Variants in TRPV3 observed in about 807,000 individuals in gnomAD.
The protein encoded by TRPV3 is VRL-3.
In TRPV3, 88 loss-of-function variants were observed where a neutral mutation model predicts 87.1. That is an observed-to-expected ratio of 1.01 (90% CI 0.85 to 1.21). The LOEUF (loss-of-function observed/expected upper bound fraction) is 1.21, where lower values mean the gene tolerates loss of function less well. Among genes scored for constraint, TRPV3 ranks in the 50% most tolerant of loss-of-function variants. TRPV3 has a pLI of 0.00. For synonymous variants in TRPV3, 438 were observed against 423.3 expected (o/e 1.03, Z -0.43); for missense variants, 1,054 against 1,030.1 (o/e 1.02, Z -0.32).
chr17:3,517,864 G>C (rs1369807715), intron 15 of TRPV3, among the ~76,000 whole-genome samples: 1 of 148,390 alleles, frequency 6.7e-6, no homozygotes, highest in Admixed American at 6.8e-5. Context: ...TGTCACCCAG[G>C]CTGCAGTGCC....
At position 3,552,057 on chromosome 17, in the gene TRPV3, A is replaced by AT. The variant is rs537778250; in HGVS notation, c.119+2674dup. ...ACCACAGCATCCAGCTAATTTTTGTATTTTTTTTTAGTAGAAATGGGGTTT... is the reference window on the plus strand; with the variant it reads ...ACCACAGCATCCAGCTAATTTTTGTATTTTTTTTTTAGTAGAAATGGGGTTT... On this transcript the variant is annotated intron_variant, in intron 2 of 17. Transcript: ENST00000576742. Among the ~76,000 whole-genome samples the AT allele has an allele frequency of 5.7e-3, 832 of 145,296 alleles. 7 individuals are homozygous for AT. The highest frequency in any genetic ancestry group is 0.019 in the African/African-American group (767 of 39,522).
rs376957340 is a variant in TRPV3, at chr17:3,528,803, G to A, written c.1401+34C>T. On this transcript the variant is annotated intron_variant, in intron 10 of 17. Transcript: ENST00000576742. This position sits in a 1 kb window ranked among gnomAD's most constrained non-coding sequence, Gnocchi z 4.2. ...AGCTCCAAGCCCCTCCAGCTCTGAC[G>A]GCCCCATTTTCCCCCTCCAAGGGGC... 344 of 1,612,508 alleles carry A rather than the reference G, an allele frequency of 2.1e-4. No individual in the cohort carries two copies. Among genetic ancestry groups the A allele is most frequent in the Admixed American group, 5.5e-4 (33 of 59,928 alleles).
In TRPV3 at chr17:3,514,638, G is replaced by A; in HGVS notation, c.2233C>T (p.His745Tyr). 1 of 1,614,050 alleles carries A rather than the reference G, an allele frequency of 6.2e-7. No homozygotes were observed. The highest frequency in any genetic ancestry group is 8.5e-7 in the Non-Finnish European group (1 of 1,179,916). ...GGGTCTTCGTTAAGGAAGGAGACGT[G>A]CGTCTTCCATTCAGTCCACTTCACC... is the stretch of plus-strand genomic sequence containing the variant. ...NEVKWTEWKT[H>Y]VSFLNEDPGP... Residue 745 changes from histidine (H) to tyrosine (Y), a missense_variant, in exon 17 of 18, where the codon CAC becomes TAC. Physicochemically the swap from His to Tyr is moderately conservative, Grantham distance 83. Transcript: ENST00000576742.
At chr17:3,547,664 G>C (rs929993833) in intron 2 of TRPV3, among the ~76,000 whole-genome samples, 8 of 152,072 alleles carry the variant, frequency 5.3e-5, no homozygotes, top group African/African-American at 1.9e-4. Context: ...TGAGGGGTCA[G>C]AGGACAGGGC....
chr17:3,523,893 TACACACACACACATACAC>T (rs1326866212), intron 13 of TRPV3, among the ~76,000 whole-genome samples: 1 of 147,912 alleles, frequency 6.8e-6, no homozygotes, highest in Non-Finnish European at 1.5e-5. Flanking sequence ...ATATTCCACC[TACACACACACACATACAC>T]ACACACACAC....
At chr17:3,547,374 A>G (rs529632509) in intron 2 of TRPV3, among the ~76,000 whole-genome samples, 2 of 152,332 alleles carry the variant, frequency 1.3e-5, no homozygotes, top group East Asian at 3.9e-4. Flanking sequence ...TAATCCCAGC[A>G]CTTTGAGAGC....
chr17:3,513,735 C>G lies in TRPV3; in HGVS notation c.*182G>C, dbSNP rs998218257. 2 of 520,230 alleles carry G rather than the reference C, an allele frequency of 3.8e-6. No individual in the cohort carries two copies. Among genetic ancestry groups the G allele is most frequent in the African/African-American group, 3.8e-5 (2 of 52,542 alleles). The allele number at this position is 520,230 out of a possible 1,614,324, so 32.2% of individuals were successfully genotyped here. Reference sequence around the variant, plus strand: ...AACAAAATCCAGGATGTTTCCCACTCAGACAAATTGACAACTGCCCCTCAG... The same window carrying G: ...AACAAAATCCAGGATGTTTCCCACTGAGACAAATTGACAACTGCCCCTCAG... On this transcript the variant is annotated 3_prime_UTR_variant, in exon 18 of 18. Coordinates refer to ENST00000576742, the MANE Select transcript of TRPV3 (RefSeq NM_145068.4).
chr17:3,513,853 AG>A lies in TRPV3; in HGVS notation c.*63del. 7.1e-6 allele frequency: 10 copies of A among 1,398,910 alleles called. No individual in the cohort carries two copies. Among genetic ancestry groups the A allele is most frequent in the African/African-American group, 1.4e-5 (1 of 70,152 alleles). The allele number at this position is 1,398,910 out of a possible 1,614,324, so 86.7% of individuals were successfully genotyped here. A position where few individuals can be genotyped will look rare whatever the true frequency, so the allele number is the denominator to read the frequency against. ...ACCATCCCTCAAAGCCTCTCTGCAC[AG>A]AGTCGGTGACTCCGCCTGCAGCGCC... On this transcript the variant is annotated 3_prime_UTR_variant, in exon 18 of 18. Coordinates refer to ENST00000576742, the MANE Select transcript of TRPV3 (RefSeq NM_145068.4).
At position 3,530,013 on chromosome 17, in the gene TRPV3, T is replaced by C. The variant is rs752305866; in HGVS notation, c.1242+14A>G. On this transcript the variant is annotated intron_variant, in intron 9 of 17. Transcript: ENST00000576742. This position sits in a 1 kb window ranked among gnomAD's most constrained non-coding sequence, Gnocchi z 4.0. ...TCTTCTCCCTGCCCTTCCCCGCCTG[T>C]GCAGGAGACCCACGTCGATGTTGGT... 1.2e-6 allele frequency: 2 copies of C among 1,608,474 alleles called. No individual in the cohort carries two copies. The highest frequency in any genetic ancestry group is 1.7e-6 in the Non-Finnish European group (2 of 1,176,382).
chr17:3,544,285 GTATGAGC>G (rs1486473748), intron 4 of TRPV3, among the ~76,000 whole-genome samples: 22 of 151,118 alleles, frequency 1.5e-4, no homozygotes, highest in Admixed American at 2.6e-4. Flanking sequence ...GGGATGACAG[GTATGAGC>G]CCTGCACCTG....
At position 3,526,837 on chromosome 17, in the gene TRPV3, G is replaced by A; in HGVS notation, c.1577+17C>T. The A allele has an allele frequency of 1.9e-6, 3 of 1,605,182 alleles. No homozygotes were observed. The highest frequency in any genetic ancestry group is 2.6e-6 in the Non-Finnish European group (3 of 1,175,524). ...CCCTGCCTGTGAGGCGATAACCAAGGGGCCAGACCTACTTACAAGACAAAG... is the reference window on the plus strand; with the variant it reads ...CCCTGCCTGTGAGGCGATAACCAAGAGGCCAGACCTACTTACAAGACAAAG... On this transcript the variant is annotated intron_variant, in intron 12 of 17. Coordinates refer to ENST00000576742, the MANE Select transcript of TRPV3 (RefSeq NM_145068.4).
intron 13 of TRPV3, 87 bp downstream of exon 13, chr17:3,524,111 C>T: frequency 6.5e-7 from 1 of 1,536,486 alleles, no homozygotes; most frequent in Non-Finnish European, 8.8e-7. Context: ...CCTTGGTAAA[C>T]CCCTCTTCCT....
chr17:3,526,761 T>C (rs1159278210), intron 12 of TRPV3, 93 bp downstream of exon 12: 16 of 987,478 alleles, frequency 1.6e-5, no homozygotes, highest in East Asian at 7.8e-5. Context: ...CGTGGCACAG[T>C]AGGATATTTG....
chr17:3,524,938 C>G (rs542725470), intron 12 of TRPV3, among the ~76,000 whole-genome samples: 22 of 151,922 alleles, frequency 1.4e-4, no homozygotes, highest in Non-Finnish European at 2.4e-4. Context: ...ACCAAAATGA[C>G]AAAAACTGCC....
At chr17:3,534,955 C>T (rs2074385220) in intron 7 of TRPV3, among the ~76,000 whole-genome samples, 2 of 152,080 alleles carry the variant, frequency 1.3e-5, no homozygotes, top group South Asian at 2.1e-4. Context: ...CACCAGGTGA[C>T]ACCACCGGAA....
intron 6 of TRPV3, among the ~76,000 whole-genome samples, 178 bp from the exon 7 acceptor site, chr17:3,535,891 C>T (rs2074405186): frequency 6.6e-6 from 1 of 152,238 alleles, no homozygotes; most frequent in South Asian, 2.1e-4. Flanking sequence ...TGCGCGGACC[C>T]AAGAAATGTT....
chr17:3,515,906 G>C lies in TRPV3; in HGVS notation c.2198+551C>G, dbSNP rs922856371. ...CACCTCCAAAAAAGCAGAGAGAGGG[G>C]CTGGGTGCGGTGGCTCATGCCTGTA... On this transcript the variant is annotated intron_variant, in intron 16 of 17. Coordinates refer to ENST00000576742, the MANE Select transcript of TRPV3 (RefSeq NM_145068.4). Among the ~76,000 whole-genome samples the C allele has an allele frequency of 4.6e-5, 7 of 152,060 alleles. No homozygotes were observed. The South Asian group carries it at 1.2e-3, about 27-fold the overall frequency.
intron 6 of TRPV3, among the ~76,000 whole-genome samples, chr17:3,536,169 A>T (rs2074407836): frequency 6.6e-6 from 1 of 152,328 alleles, no homozygotes; most frequent in Non-Finnish European, 1.5e-5. Context: ...GCAAGAGGGC[A>T]GAGCTTGTGC....
chr17:3,545,920 G>A (rs551390838), intron 2 of TRPV3, among the ~76,000 whole-genome samples: 1 of 151,416 alleles, frequency 6.6e-6, no homozygotes, highest in African/African-American at 2.4e-5. Context: ...AACCTGGGAG[G>A]TGGAGGCTGC....
Sources: allele counts gnomAD v4.1 joint callset (sites outside exome capture counted in the v4.1 genomes callset), GRCh38; gene constraint gnomAD v4.1.1; non-coding constraint Gnocchi (gnomAD v3.1); transcripts MANE v1.5; gene names NCBI Gene and HGNC (gene_info 2026-07-23, HGNC 2026-07-21).